BCL11B: variants seen among roughly 807,000 people sequenced by gnomAD.
BCL11B encodes B-cell lymphoma/leukemia 11B.
BCL11B carries 8 observed loss-of-function variants against 49.9 expected under a neutral mutation model. That is an observed-to-expected ratio of 0.16 (90% CI 0.09 to 0.29). The LOEUF (loss-of-function observed/expected upper bound fraction) is 0.29, where lower values mean the gene tolerates loss of function less well. Among genes scored for constraint, BCL11B ranks in the 10% least tolerant of loss-of-function variants. BCL11B has a pLI of 1.00. For synonymous variants in BCL11B, 739 were observed against 637.4 expected (o/e 1.16, Z -2.40); for missense variants, 1,006 against 1,351.0 (o/e 0.74, Z 4.00).
intron 3 of BCL11B, among the ~76,000 whole-genome samples, chr14:99,211,581 C>T (rs1887690629): frequency 6.6e-6 from 1 of 152,352 alleles, no homozygotes; most frequent in African/African-American, 2.4e-5. Flanking sequence ...TACACATGCA[C>T]ATGCATTCAC....
rs1353467387 is a variant in BCL11B at position 99,174,554 on chromosome 14, T to A, written c.2282A>T (p.Asp761Val). 1.3e-6 allele frequency: 2 copies of A among 1,512,660 alleles called. No individual in the cohort carries two copies. Among genetic ancestry groups the A allele is most frequent in the Non-Finnish European group, 1.8e-6 (2 of 1,133,088 alleles). The allele number at this position is 1,512,660 out of a possible 1,614,324, so 93.7% of individuals were successfully genotyped here. A position where few individuals can be genotyped will look rare whatever the true frequency, so the allele number is the denominator to read the frequency against. The change falls in exon 4 of 4, where the codon GAC becomes GTC. Residue 761 changes from aspartate to valine, a missense_variant. Coordinates refer to ENST00000357195, the MANE Select transcript of BCL11B (RefSeq NM_138576.4). Reference protein sequence around the residue: ...RFSTPPGDLLDGGLSGRSGTA... With the variant: ...RFSTPPGDLLVGGLSGRSGTA... The stretch of plus-strand genomic sequence containing the variant: ...GCCGCTGCGGCCCGAGAGGCCGCCG[T>A]CCAGCAGGTCCCCGGGCGGCGTGGA...
intron 3 of BCL11B, among the ~76,000 whole-genome samples, chr14:99,214,600 G>T (rs894753426): frequency 6.7e-6 from 1 of 150,120 alleles, no homozygotes; most frequent in Non-Finnish European, 1.5e-5. Flanking sequence ...CATGGCACAC[G>T]TTTACCTATG....
chr14:99,175,336 G>A lies in BCL11B; in HGVS notation c.1500C>T (p.Pro500=), dbSNP rs1026155012. The A allele has an allele frequency of 1.3e-6, 2 of 1,551,184 alleles. No individual in the cohort carries two copies. The highest frequency in any genetic ancestry group is 1.4e-5 in the African/African-American group (1 of 72,528). ...DGLSAASSPE[P]GTSELAGEGL... is the part of the protein sequence containing the mutation. ...CCTCGCCCGCCAGCTCGCTGGTGCCGGGCTCGGGGGAGCTGGCGGCCGAGA... is the reference window on the plus strand; with the variant it reads ...CCTCGCCCGCCAGCTCGCTGGTGCCAGGCTCGGGGGAGCTGGCGGCCGAGA... Residue 500 remains proline (P), a synonymous_variant, in exon 4 of 4, where the codon CCC becomes CCT. Coordinates refer to ENST00000357195, the MANE Select transcript of BCL11B (RefSeq NM_138576.4).
intron 2 of BCL11B, among the ~76,000 whole-genome samples, chr14:99,249,095 C>T (rs1888926548): frequency 6.6e-6 from 1 of 152,126 alleles, no homozygotes; most frequent in Non-Finnish European, 1.5e-5. Flanking sequence ...TCTTTCACCC[C>T]ACTCTGGAAC....
At position 99,192,957 on chromosome 14, in the gene BCL11B, GTGAATGAA is replaced by G. The variant is rs71464611; in HGVS notation, c.641-16770_641-16763del. 1.4e-5 allele frequency among the ~76,000 whole-genome samples: 2 copies of G among 144,938 alleles called. No individual in the cohort carries two copies. Among genetic ancestry groups the G allele is most frequent in the African/African-American group, 2.5e-5 (1 of 39,240 alleles). On this transcript the variant is annotated intron_variant, in intron 3 of 3. Transcript: ENST00000357195. The surrounding 1 kb of genome is among the most constrained non-coding windows in gnomAD (Gnocchi z 4.0). ...AGTAAATTAGTGAATAAGTGAATAA[GTGAATGAA>G]TGAATGAGTGAATAAGTGAGTGCAA... is the stretch of plus-strand genomic sequence containing the variant.
rs1433585634 is a variant in BCL11B, at chr14:99,174,572, G to A, written c.2264C>T (p.Pro755Leu). ...GCCGCCGTCCAGCAGGTCCCCGGGC[G>A]GCGTGGAGAAGCGCAGGCTGCCGTT... ...SENGSLRFST[P>L]PGDLLDGGLS... is the part of the protein sequence containing the mutation. Residue 755 changes from proline (P) to leucine (L), a missense_variant, in exon 4 of 4, where the codon CCG becomes CTG. By Grantham distance (98) the Pro-to-Leu change is moderately conservative. Around this residue, in one of 6 missense-constraint regions of BCL11B, gnomAD observed 443 missense variants for 499.7 expected, o/e 0.89. Coordinates refer to ENST00000357195, the MANE Select transcript of BCL11B (RefSeq NM_138576.4). The A allele has an allele frequency of 2.0e-6, 3 of 1,518,572 alleles. No homozygotes were observed. Among genetic ancestry groups the A allele is most frequent in the Non-Finnish European group, 1.8e-6 (2 of 1,135,922 alleles). 94.1% of individuals were successfully genotyped at this position (1,518,572 alleles called of 1,614,324 possible).
rs948060184 is a variant in BCL11B at position 99,231,886 on chromosome 14, C to T, written c.428-329G>A. Among the ~76,000 whole-genome samples, 6 of 151,992 alleles carry T rather than the reference C, an allele frequency of 3.9e-5. No homozygotes were observed. The highest frequency in any genetic ancestry group is 7.2e-5 in the African/African-American group (3 of 41,478). On this transcript the variant is annotated intron_variant, in intron 2 of 3. Coordinates refer to ENST00000357195, the MANE Select transcript of BCL11B (RefSeq NM_138576.4). This position sits in a 1 kb window ranked among gnomAD's most constrained non-coding sequence, Gnocchi z 8.1. Reference sequence around the variant, plus strand: ...GGACCCACTCTCAGGAAGGACCCCCCACGTGGGGGCCTCTGGAGCAATCAA... The same window carrying T: ...GGACCCACTCTCAGGAAGGACCCCCTACGTGGGGGCCTCTGGAGCAATCAA...
rs138404434 is a variant in BCL11B, at chr14:99,229,332, C to T, written c.640+2013G>A. 2.9e-3 allele frequency among the ~76,000 whole-genome samples: 442 copies of T among 152,274 alleles called. 1 individual carries two copies. Among genetic ancestry groups the T allele is most frequent in the Non-Finnish European group, 4.9e-3 (335 of 68,014 alleles). On this transcript the variant is annotated intron_variant, in intron 3 of 3. Transcript: ENST00000357195. Reference sequence around the variant, plus strand: ...TCCATACACAGTCCTCATAAGGATCCTAGTGGCATGTATGAGGACTTGCTG... The same window carrying T: ...TCCATACACAGTCCTCATAAGGATCTTAGTGGCATGTATGAGGACTTGCTG...
intron 3 of BCL11B, among the ~76,000 whole-genome samples, chr14:99,218,449 GC>G (rs1352957223): frequency 2.6e-5 from 4 of 152,020 alleles, no homozygotes; most frequent in Non-Finnish European, 5.9e-5. Flanking sequence ...TGGGGGCAGA[GC>G]TGGGGGCCAC....
intron 3 of BCL11B, among the ~76,000 whole-genome samples, chr14:99,220,035 C>G (rs147341287): frequency 2.2e-3 from 341 of 152,256 alleles, no homozygotes; most frequent in African/African-American, 8.0e-3. Context: ...TGCCACATCC[C>G]TGAGAGGCAG....
In BCL11B at chr14:99,213,820, C is replaced by G. The variant is rs1176167424; in HGVS notation, c.640+17525G>C. Among the ~76,000 whole-genome samples, 1 of 152,210 alleles carries G rather than the reference C, an allele frequency of 6.6e-6. No homozygotes were observed. Among genetic ancestry groups the G allele is most frequent in the African/African-American group, 2.4e-5 (1 of 41,462 alleles). The stretch of plus-strand genomic sequence containing the variant: ...GGCACAGGGGCCCCTGGCAAGGGCC[C>G]CCCGAGGGGCTGCCCCGTGCGCCCA... On this transcript the variant is annotated intron_variant, in intron 3 of 3. Transcript: ENST00000357195. This position sits in a 1 kb window ranked among gnomAD's most constrained non-coding sequence, Gnocchi z 5.1.
chr14:99,219,268 A>G (rs944438772), intron 3 of BCL11B, among the ~76,000 whole-genome samples: 3 of 152,074 alleles, frequency 2.0e-5, no homozygotes, highest in African/African-American at 7.2e-5. Flanking sequence ...TGCTGGGCTC[A>G]AGAGATCCAC....
At chr14:99,230,909 ATTTTGG>A (rs1216523109) in intron 3 of BCL11B, among the ~76,000 whole-genome samples, 1 of 151,896 alleles carries the variant, frequency 6.6e-6, no homozygotes, top group Non-Finnish European at 1.5e-5. Flanking sequence ...GAAACTCAGC[ATTTTGG>A]ACGGCTCCAG....
Position 99,259,442 on chromosome 14 carries a change from G to A in BCL11B, c.59-1603C>T, listed in dbSNP as rs895121238. Among the ~76,000 whole-genome samples, 7 of 152,296 alleles carry A rather than the reference G, an allele frequency of 4.6e-5. No homozygotes were observed. In the South Asian group the frequency reaches 6.2e-4, roughly 14 times the overall value. On this transcript the variant is annotated intron_variant, in intron 1 of 3. Coordinates refer to ENST00000357195, the MANE Select transcript of BCL11B (RefSeq NM_138576.4). ...GTGTGAAACTGAATACAGAATATAC[G>A]ACGATGTAAGACGTACAACGCGCAC...
In BCL11B at chr14:99,175,840, G is replaced by T. The variant is rs1406752998; in HGVS notation, c.996C>A (p.Ala332=). The part of the protein sequence containing the change: ...RHHLDPHRLS[A]EEMGLVAQHP... ...GCTGGGCGACGAGCCCCATCTCCTCGGCACTGAGGCGGTGCGGGTCCAGGT... is the reference window on the plus strand; with the variant it reads ...GCTGGGCGACGAGCCCCATCTCCTCTGCACTGAGGCGGTGCGGGTCCAGGT... Residue 332 remains alanine, a synonymous_variant, in exon 4 of 4, where the codon GCC becomes GCA. Transcript: ENST00000357195. 2.0e-6 allele frequency: 3 copies of T among 1,477,828 alleles called. No individual in the cohort carries two copies. The highest frequency in any genetic ancestry group is 2.8e-5 in the South Asian group (2 of 70,818). 91.5% of individuals were successfully genotyped at this position (1,477,828 alleles called of 1,614,324 possible). A position where few individuals can be genotyped will look rare whatever the true frequency, so the allele number is the denominator to read the frequency against.
At chr14:99,270,541 A>C (rs1433085590) in intron 1 of BCL11B, among the ~76,000 whole-genome samples, 6 of 151,964 alleles carry the variant, frequency 3.9e-5, no homozygotes, top group African/African-American at 1.4e-4. Flanking sequence ...TATTTTGCAA[A>C]TAGCAGGAGG....
At chr14:99,260,405 C>CT (rs1378306611) in intron 1 of BCL11B, among the ~76,000 whole-genome samples, 3 of 152,042 alleles carry the variant, frequency 2.0e-5, no homozygotes, top group Non-Finnish European at 4.4e-5. Context: ...TTTTTGTTTG[C>CT]TTTTTTATTA....
At chr14:99,270,619 G>C (rs555833770) in intron 1 of BCL11B, among the ~76,000 whole-genome samples, 55 of 152,062 alleles carry the variant, frequency 3.6e-4, no homozygotes, top group African/African-American at 1.3e-3. Context: ...GCCGGGCGCA[G>C]GGACCGGGGA....
chr14:99,201,178 A>T lies in BCL11B; in HGVS notation c.641-24983T>A, dbSNP rs570906958. 7.2e-5 allele frequency among the ~76,000 whole-genome samples: 11 copies of T among 152,262 alleles called. No homozygotes were observed. In the South Asian group the frequency reaches 2.3e-3, roughly 32 times the overall value. ...AATCATTTCTACAGAGGAAAACGCA[A>T]CCCTCGCCAGGGATTTCTCACCCTG... On this transcript the variant is annotated intron_variant, in intron 3 of 3. Coordinates refer to ENST00000357195, the MANE Select transcript of BCL11B (RefSeq NM_138576.4).
Sources: gnomAD v4.1 joint callset for allele counts (sites outside exome capture counted in the v4.1 genomes callset) on GRCh38, gnomAD v4.1.1 for gene constraint, gnomAD v4.1.1 regional missense constraint, Gnocchi (gnomAD v3.1) non-coding constraint, MANE v1.5 for transcripts, NCBI Gene and HGNC (gene_info 2026-07-23, HGNC 2026-07-21) for gene names.